The following USP7 variants were observed in gnomAD, a reference collection of about 807,000 sequenced individuals.
USP7 encodes the protein ubiquitin specific peptidase 7.
USP7 carries 9 observed loss-of-function variants against 162.9 expected under a neutral mutation model. The ratio of observed to expected loss-of-function variants is 0.06; its 90% CI spans 0.03 to 0.10. The LOEUF (loss-of-function observed/expected upper bound fraction) is 0.10, where lower values mean the gene tolerates loss of function less well. Ranked by LOEUF, USP7 falls within the 10% of genes least tolerant of loss-of-function variation. The pLI is 1.00. For synonymous variants in USP7, 562 were observed against 475.9 expected (o/e 1.18, Z -2.35); for missense variants, 715 against 1,373.7 (o/e 0.52, Z 7.58).
chr16:8,931,675 T>C (rs1473014975), intron 1 of USP7, among the ~76,000 whole-genome samples: 1 of 152,234 alleles, frequency 6.6e-6, no homozygotes, highest in East Asian at 1.9e-4. Context: ...AAATAAGGTG[T>C]AAATTACAAC....
At chr16:8,943,984 G>A (rs1253493887) in intron 1 of USP7, among the ~76,000 whole-genome samples, 1 of 152,008 alleles carries the variant, frequency 6.6e-6, no homozygotes, top group Non-Finnish European at 1.5e-5. Flanking sequence ...TATAAGGTGC[G>A]GGGGAGGCAG....
intron 2 of USP7, among the ~76,000 whole-genome samples, chr16:8,929,724 C>CG (rs1898208552): frequency 6.6e-6 from 1 of 152,002 alleles, no homozygotes; most frequent in South Asian, 2.1e-4. Flanking sequence ...GGAATGGTCT[C>CG]GGAAGAAAAA....
chr16:8,903,565 A>G (rs1294529277), intron 15 of USP7, among the ~76,000 whole-genome samples, 163 bp from the exon 16 acceptor site: 1 of 152,190 alleles, frequency 6.6e-6, no homozygotes, highest in Non-Finnish European at 1.5e-5. Flanking sequence ...ACCAAAACCT[A>G]AATCAGGTAT....
chr16:8,917,623 C>G (rs1897446590), intron 6 of USP7, among the ~76,000 whole-genome samples: 1 of 152,212 alleles, frequency 6.6e-6, no homozygotes, highest in South Asian at 2.1e-4. Context: ...AGGGGATCTG[C>G]CCACCTTGGC....
intron 12 of USP7, among the ~76,000 whole-genome samples, chr16:8,908,057 A>C (rs949163684): frequency 1.3e-5 from 2 of 152,236 alleles, no homozygotes; most frequent in African/African-American, 4.8e-5. Context: ...TGTGAAGCAG[A>C]AACAGCCCCA....
At chr16:8,900,491 A>G (rs746462829) in intron 21 of USP7, 39 bp downstream of exon 21, 2 of 1,455,066 alleles carry the variant, frequency 1.4e-6, no homozygotes, top group Non-Finnish European at 1.9e-6. Flanking sequence ...AAATCCTGAA[A>G]TTAGTACAAA....
chr16:8,894,733 A>G (rs757937059), intron 29 of USP7, 51 bp downstream of exon 29: 51 of 1,613,318 alleles, frequency 3.2e-5, no homozygotes, highest in Non-Finnish European at 3.9e-5. Context: ...TACGCTAGGC[A>G]AGGCTTGAGC....
intron 1 of USP7, among the ~76,000 whole-genome samples, chr16:8,935,271 G>A (rs1343931121): frequency 1.3e-5 from 2 of 150,820 alleles, no homozygotes; most frequent in South Asian, 2.1e-4. Flanking sequence ...TGTGACCTCG[G>A]CTCACTGGAA....
intron 1 of USP7, among the ~76,000 whole-genome samples, chr16:8,951,792 A>C (rs1185915073): frequency 6.6e-6 from 1 of 152,250 alleles, no homozygotes; most frequent in East Asian, 1.9e-4. Flanking sequence ...TGATTCATTC[A>C]GCTCAGGATC....
intron 1 of USP7, among the ~76,000 whole-genome samples, chr16:8,932,376 G>A (rs1212887448): frequency 6.6e-6 from 1 of 152,030 alleles, no homozygotes; most frequent in Non-Finnish European, 1.5e-5. Flanking sequence ...GACCAGCCAG[G>A]GAAACATAGT....
chr16:8,917,203 G>T, intron 6 of USP7, 47 bp from the exon 7 acceptor site: 3 of 1,547,634 alleles, frequency 1.9e-6, no homozygotes, highest in South Asian at 1.2e-5. Context: ...AAGATGCAGG[G>T]GAATTTAAAA....
At chr16:8,923,641 C>T (rs1270817655) in intron 2 of USP7, among the ~76,000 whole-genome samples, 1 of 152,198 alleles carries the variant, frequency 6.6e-6, no homozygotes, top group Non-Finnish European at 1.5e-5. Flanking sequence ...GCTAACCATA[C>T]ACTTGCCATC....
rs551188544 is a variant in USP7, at chr16:8,961,981, T to C, written c.79+1226A>G. On this transcript the variant is annotated intron_variant, in intron 1 of 30. Coordinates refer to ENST00000344836, the MANE Select transcript of USP7 (RefSeq NM_003470.3). ...GCAGAATCCCAGCCACTTTGTCATT[T>C]GCAACCTGGCCAGCCATTTTTTCAG... 7.1e-4 allele frequency among the ~76,000 whole-genome samples: 108 copies of C among 152,336 alleles called. 3 individuals are homozygous for C. The highest frequency in any genetic ancestry group is 7.1e-3 in the Admixed American group (108 of 15,294).
intron 1 of USP7, among the ~76,000 whole-genome samples, chr16:8,932,490 T>A (rs2141234312): frequency 6.6e-6 from 1 of 152,174 alleles, no homozygotes; most frequent in East Asian, 1.9e-4. Flanking sequence ...ACAGAAATAC[T>A]GTGGAAGGGG....
intron 5 of USP7, 143 bp downstream of exon 5, chr16:8,920,216 G>A (rs1416677573): frequency 6.5e-5 from 44 of 673,342 alleles, no homozygotes; most frequent in Non-Finnish European, 1.1e-4. Flanking sequence ...TGTCAAGCAG[G>A]TGTGACTCTG....
chr16:8,934,764 G>A (rs1898586881), intron 1 of USP7, among the ~76,000 whole-genome samples: 1 of 152,192 alleles, frequency 6.6e-6, no homozygotes, highest in Non-Finnish European at 1.5e-5. Flanking sequence ...AATGGCAAAG[G>A]GCCACTGGTT....
intron 1 of USP7, among the ~76,000 whole-genome samples, chr16:8,957,734 G>A (rs1567250633): frequency 4.0e-5 from 6 of 151,048 alleles, no homozygotes; most frequent in Admixed American, 3.3e-4. Flanking sequence ...TACAGCCAGA[G>A]CAACAGAGCA....
Position 8,963,569 on chromosome 16 carries a change from C to CGCG in USP7, c.-285_-284insCGC, listed in dbSNP as rs1567254096. 7.3e-6 allele frequency: 1 copy of CGCG among 136,754 alleles called. No individual in the cohort carries two copies. The highest frequency in any genetic ancestry group is 1.6e-5 in the Non-Finnish European group (1 of 62,600). 8.5% of individuals were successfully genotyped at this position (136,754 alleles called of 1,614,324 possible). ...GGGCGGCCTCGTCGCTCGCTGCGGC[C>CGCG]GCCGCCGCCGCCGCCGCGGGGCCCG... On this transcript the variant is annotated 5_prime_UTR_variant, in exon 1 of 31. Coordinates refer to ENST00000344836, the MANE Select transcript of USP7 (RefSeq NM_003470.3).
chr16:8,911,440 CA>C (rs1022593899), intron 10 of USP7, among the ~76,000 whole-genome samples: 1 of 152,228 alleles, frequency 6.6e-6, no homozygotes, highest in Non-Finnish European at 1.5e-5. Context: ...TGCTGAGTGA[CA>C]AGCTCTCAAT....
Sources: allele counts gnomAD v4.1 joint callset (sites outside exome capture counted in the v4.1 genomes callset), GRCh38; gene constraint gnomAD v4.1.1; transcripts MANE v1.5; gene names NCBI Gene and HGNC (gene_info 2026-07-23, HGNC 2026-07-21).